The following SVIL variants were observed in gnomAD, a reference collection of about 807,000 sequenced individuals.
SVIL encodes the protein archvillin.
Under a neutral mutation model 240.4 loss-of-function variants are expected in SVIL, and 101 were observed. That is an observed-to-expected ratio of 0.42 (90% confidence interval 0.36 to 0.50). The LOEUF (loss-of-function observed/expected upper bound fraction) is 0.50, where lower values mean the gene tolerates loss of function less well. Ranked by LOEUF, SVIL falls within the 20% of genes least tolerant of loss-of-function variation. SVIL has a pLI of 0.01. For synonymous variants in SVIL, 999 were observed against 1,100.0 expected, an observed-to-expected ratio of 0.91 and a Z score of 1.82; for missense variants, 2,512 against 2,818.7, an observed-to-expected ratio of 0.89 and a Z score of 2.46.
At chr10:29,509,331 GA>G (rs1292474316) in intron 17 of SVIL, among the ~76,000 whole-genome samples, 27 of 10,292 alleles carry the variant, frequency 2.6e-3, no homozygotes, top group African/African-American at 0.012. Context: ...GAGGGGGAGG[GA>G]GAGAGAGAGA....
At position 29,735,297 on chromosome 10, in the gene SVIL, G is replaced by T. The variant is rs573156156; in HGVS notation, c.-400+454C>A. On this transcript the variant is annotated intron_variant, in intron 1 of 35. Coordinates refer to the SVIL transcript ENST00000375400. The surrounding 1 kb of genome is among the most constrained non-coding windows in gnomAD (Gnocchi z 4.1). ...CCGCAGCTCCGGCCACTTGCGGCTG[G>T]TGTCGGGAAAGGAACCGGGCGATGT... Among the ~76,000 whole-genome samples the T allele has an allele frequency of 9.9e-5, 15 of 152,180 alleles. No homozygotes were observed. The South Asian group carries it at 3.1e-3, about 32-fold the overall frequency.
At chr10:29,523,023 G>A (rs1396832038) in intron 15 of SVIL, among the ~76,000 whole-genome samples, 1 of 152,202 alleles carries the variant, frequency 6.6e-6, no homozygotes, top group Non-Finnish European at 1.5e-5. Context: ...AGAGGATGAA[G>A]GGCCCACGCA....
chr10:29,636,610 G>A (rs1958318808), upstream of SVIL, among the ~76,000 whole-genome samples: 1 of 151,996 alleles, frequency 6.6e-6, no homozygotes, highest in Non-Finnish European at 1.5e-5. Context: ...TTCTTCCTGT[G>A]CAATCCATTT....
chr10:29,471,914 G>A (rs536309106), intron 30 of SVIL, among the ~76,000 whole-genome samples: 1 of 152,188 alleles, frequency 6.6e-6, no homozygotes, highest in South Asian at 2.1e-4. Context: ...TTGCCATTTT[G>A]TGGCAGTATT....
At chr10:29,467,707 A>G in intron 33 of SVIL, 35 bp downstream of exon 33, 2 of 1,612,692 alleles carry the variant, frequency 1.2e-6, no homozygotes, top group Non-Finnish European at 1.7e-6. Context: ...AAACAAACAA[A>G]AAAACCAGAT....
chr10:29,552,462 C>G (rs1190750433), intron 5 of SVIL, among the ~76,000 whole-genome samples: 1 of 150,386 alleles, frequency 6.6e-6, no homozygotes, highest in Non-Finnish European at 1.5e-5. Context: ...ACTCAGGAGG[C>G]TGAGGCAGGA....
chr10:29,720,142 T>C (rs1446374129), intron 1 of SVIL, among the ~76,000 whole-genome samples: 1 of 152,138 alleles, frequency 6.6e-6, no homozygotes, highest in East Asian at 1.9e-4. Flanking sequence ...AGTTTGAGGC[T>C]ACAGTGGGCT....
At chr10:29,664,954 A>G (rs773578354) in intron 2 of SVIL, among the ~76,000 whole-genome samples, 52 of 152,118 alleles carry the variant, frequency 3.4e-4, no homozygotes, top group Non-Finnish European at 6.8e-4. Context: ...TAAAAAGAGA[A>G]CTAAGAAAGA....
chr10:29,656,028 G>C (rs368949564), intron 3 of SVIL, among the ~76,000 whole-genome samples: 21 of 146,840 alleles, frequency 1.4e-4, no homozygotes, highest in Admixed American at 3.4e-4. Context: ...GTGGCACCAC[G>C]CCCAGCTAAT....
intron 1 of SVIL, among the ~76,000 whole-genome samples, chr10:29,588,075 A>G (rs972621991): frequency 1.3e-5 from 2 of 151,928 alleles, no homozygotes; most frequent in African/African-American, 4.8e-5. Flanking sequence ...TTCAGCTTTT[A>G]GCCACGGGGC....
chr10:29,633,684 C>A (rs973986922), intron 1 of SVIL, among the ~76,000 whole-genome samples: 4 of 151,022 alleles, frequency 2.6e-5, no homozygotes, highest in Non-Finnish European at 5.9e-5. Flanking sequence ...TTCAAAGAAG[C>A]AACACGTCAA....
At chr10:29,553,048 G>A (rs1390291355) in intron 5 of SVIL, among the ~76,000 whole-genome samples, 1 of 151,290 alleles carries the variant, frequency 6.6e-6, no homozygotes, top group African/African-American at 2.4e-5. Flanking sequence ...GCACTCCTGA[G>A]CTCCAGCTAT....
intron 14 of SVIL, 118 bp downstream of exon 14, chr10:29,524,354 C>T (rs1950753972): frequency 6.8e-7 from 1 of 1,469,664 alleles, no homozygotes; most frequent in Admixed American, 1.9e-5. Flanking sequence ...AAATCACCTA[C>T]AGGTAGCAGT....
At chr10:29,654,244 T>A (rs973478514) in intron 3 of SVIL, among the ~76,000 whole-genome samples, 1 of 152,212 alleles carries the variant, frequency 6.6e-6, no homozygotes, top group Non-Finnish European at 1.5e-5. Context: ...TTAAGGTATA[T>A]GTTTTACACT....
Position 29,532,909 on chromosome 10 carries a change from G to A in SVIL, c.1458C>T (p.Thr486=), listed in dbSNP as rs1484164141. 1 of 1,614,014 alleles carries A rather than the reference G, an allele frequency of 6.2e-7. No homozygotes were observed. The highest frequency in any genetic ancestry group is 8.5e-7 in the Non-Finnish European group (1 of 1,180,042). Residue 486 remains threonine (T), a synonymous_variant, in exon 8 of 38, where the codon ACC becomes ACT. Transcript: ENST00000355867. ...DFGKPAVSTV[T]LEHQKELENV... ...TTTCCAGTTCCTTCTGATGCTCTAA[G>A]GTGACTGTGCTCACAGCAGGCTTAC...
rs1204538300 is a variant in SVIL at position 29,533,317 on chromosome 10, A to G, written c.1050T>C (p.Asp350=). Residue 350 remains aspartate (D), a synonymous_variant, in exon 8 of 38, where the codon GAT becomes GAC. Transcript: ENST00000355867. ...AGCCTGCTGCCTTGCTGGGGACCCT[A>G]TCAAAGGCTGAGTGCTCAGACTGAA... The part of the protein sequence containing the change: ...VSFQSEHSAF[D]RVPSKAAGST... The G allele has an allele frequency of 1.2e-6, 2 of 1,613,980 alleles. No individual in the cohort carries two copies. The highest frequency in any genetic ancestry group is 2.7e-5 in the African/African-American group (2 of 74,892).
At chr10:29,496,179 A>G (rs1168257832) in intron 18 of SVIL, among the ~76,000 whole-genome samples, 3 of 152,206 alleles carry the variant, frequency 2.0e-5, no homozygotes, top group Admixed American at 6.5e-5. Flanking sequence ...AATTTAATAA[A>G]AAAAACCATT....
At chr10:29,605,203 G>A (rs918834552) in intron 1 of SVIL, among the ~76,000 whole-genome samples, 12 of 152,278 alleles carry the variant, frequency 7.9e-5, no homozygotes, top group African/African-American at 2.9e-4. Flanking sequence ...TTTACTGTAC[G>A]CAGGGTCTGT....
In SVIL at chr10:29,650,389, C is replaced by T. The variant is rs1197397179; in HGVS notation, c.-201+7580G>A. Reference sequence around the variant, plus strand: ...TTTCTGAAAAGCATCTGTGTGTGTGCATTTTGAGAAAGTTACCACTTTGCC... The same window carrying T: ...TTTCTGAAAAGCATCTGTGTGTGTGTATTTTGAGAAAGTTACCACTTTGCC... On this transcript the variant is annotated intron_variant, in intron 3 of 35. Coordinates refer to the SVIL transcript ENST00000375400. Among the ~76,000 whole-genome samples the T allele has an allele frequency of 2.0e-5, 3 of 152,128 alleles. No homozygotes were observed. The East Asian group carries it at 5.8e-4, about 29-fold the overall frequency.
Sources: gnomAD v4.1 joint callset for allele counts (sites outside exome capture counted in the v4.1 genomes callset) on GRCh38, gnomAD v4.1.1 for gene constraint, Gnocchi (gnomAD v3.1) non-coding constraint, MANE v1.5 for transcripts, NCBI Gene and HGNC (gene_info 2026-07-23, HGNC 2026-07-21) for gene names.